The following SHQ1 variants were observed in gnomAD, a reference collection of about 807,000 sequenced individuals.
SHQ1 encodes the protein SHQ1, H/ACA ribonucleoprotein assembly factor.
A neutral mutation model predicts 53.8 loss-of-function variants in SHQ1; 49 were observed. That is an observed-to-expected ratio of 0.91 (90% CI 0.72 to 1.16). The LOEUF is 1.16. SHQ1 is among the 50% of genes most tolerant of loss of function. The pLI is 0.00. For synonymous variants in SHQ1, 243 were observed against 251.0 expected (o/e 0.97, Z 0.30); for missense variants, 738 against 683.1 (o/e 1.08, Z -0.90).
chr3:72,812,912 C>A, intron 8 of SHQ1, 118 bp from the exon 9 acceptor site: 2 of 1,057,886 alleles, frequency 1.9e-6, no homozygotes, highest in South Asian at 1.5e-5. Context: ...CATTGTGAAG[C>A]CAAGTAGAAG....
chr3:72,829,421 A>G (rs780152627), intron 5 of SHQ1, among the ~76,000 whole-genome samples: 47 of 152,348 alleles, frequency 3.1e-4, no homozygotes, highest in Non-Finnish European at 5.4e-4. Flanking sequence ...AGAGATTGAG[A>G]TCTTGCCGTA....
intron 10 of SHQ1, among the ~76,000 whole-genome samples, chr3:72,789,287 C>T (rs1385135860): frequency 1.3e-5 from 2 of 152,042 alleles, no homozygotes; most frequent in African/African-American, 4.8e-5. Flanking sequence ...AAAAAGGTGC[C>T]AACTATTTGA....
At chr3:72,820,185 G>A (rs73841413) in intron 6 of SHQ1, among the ~76,000 whole-genome samples, 48 of 152,228 alleles carry the variant, frequency 3.2e-4, no homozygotes, top group African/African-American at 1.1e-3. Flanking sequence ...ACCTATCGAC[G>A]TTTATCCATT....
In SHQ1 at chr3:72,841,062, C is replaced by T. The variant is rs1477843710; in HGVS notation, c.469G>A (p.Val157Met). 1 of 1,613,438 alleles carries T rather than the reference C, an allele frequency of 6.2e-7. No individual in the cohort carries two copies. Among genetic ancestry groups the T allele is most frequent in the Non-Finnish European group, 8.5e-7 (1 of 1,179,796 alleles). Reference sequence around the variant, plus strand: ...CAACATACCTGTAACCGTTGCAACACTCCTGATCGTAAGTTTCCAAATCCA... The same window carrying T: ...CAACATACCTGTAACCGTTGCAACATTCCTGATCGTAAGTTTCCAAATCCA... ...HYGFGNLRSG[V>M]LQRLQDELSD... Residue 157 changes from valine (V) to methionine (M), a missense_variant, in exon 4 of 11, where the codon GTG becomes ATG. By Grantham distance (21) the Val-to-Met change is conservative. Coordinates refer to ENST00000325599, the MANE Select transcript of SHQ1 (RefSeq NM_018130.3).
intron 9 of SHQ1, 124 bp from the exon 10 acceptor site, chr3:72,793,160 A>G (rs1706495069): frequency 2.4e-6 from 2 of 843,804 alleles, no homozygotes; most frequent in Non-Finnish European, 3.6e-6. Context: ...AAATGCAAAA[A>G]AATTTATGAG....
At chr3:72,829,389 A>G (rs150995495) in intron 5 of SHQ1, among the ~76,000 whole-genome samples, 225 of 152,344 alleles carry the variant, frequency 1.5e-3, no homozygotes, top group African/African-American at 5.3e-3. Context: ...CTCCACTACA[A>G]TGGAAGCCCC....
intron 7 of SHQ1, among the ~76,000 whole-genome samples, chr3:72,816,556 G>A (rs546603745): frequency 1.7e-4 from 26 of 152,198 alleles, no homozygotes; most frequent in African/African-American, 6.3e-4. Flanking sequence ...AATGGTACAG[G>A]TGAAAAGGAA....
chr3:72,811,511 T>C (rs1417527643), intron 9 of SHQ1, among the ~76,000 whole-genome samples: 1 of 152,234 alleles, frequency 6.6e-6, no homozygotes, highest in Non-Finnish European at 1.5e-5. Flanking sequence ...GATTTCTCAA[T>C]GATAGCTCTT....
intron 10 of SHQ1, among the ~76,000 whole-genome samples, chr3:72,751,149 G>A (rs1450068950): frequency 1.3e-5 from 2 of 152,110 alleles, no homozygotes; most frequent in Non-Finnish European, 1.5e-5. Flanking sequence ...AGTGGCTCAC[G>A]CCTGTAACCC....
At chr3:72,833,968 G>A (rs1707915718) in intron 4 of SHQ1, among the ~76,000 whole-genome samples, 1 of 152,198 alleles carries the variant, frequency 6.6e-6, no homozygotes, top group Admixed American at 6.5e-5. Context: ...AAAGCAAACT[G>A]TTAAGACATT....
chr3:72,832,560 C>A, intron 4 of SHQ1, 79 bp from the exon 5 acceptor site: 1 of 964,010 alleles, frequency 1.0e-6, no homozygotes. Context: ...TACAAAATGC[C>A]AAAGCACAGG....
rs115123347 is a variant in SHQ1 at position 72,807,340 on chromosome 3, T to C, written c.1060+5331A>G. 8.5e-3 allele frequency among the ~76,000 whole-genome samples: 1,289 copies of C among 152,340 alleles called. 18 individuals are homozygous for C. Among genetic ancestry groups the C allele is most frequent in the African/African-American group, 0.03 (1,248 of 41,566 alleles). ...CCCTGTGCCCCCATTAGAACTATTA[T>C]ATCTTCAGGATCCAGCTCAGCAGCC... On this transcript the variant is annotated intron_variant, in intron 9 of 10. Coordinates refer to ENST00000325599, the MANE Select transcript of SHQ1 (RefSeq NM_018130.3).
At chr3:72,748,159 C>G (rs2106693005), downstream of SHQ1, among the ~76,000 whole-genome samples, 1 of 151,856 alleles carries the variant, frequency 6.6e-6, no homozygotes, top group Middle Eastern at 3.4e-3. Context: ...AGCACCACTC[C>G]AGACCTGCCT....
At chr3:72,745,421 A>C (rs1425382107), downstream of SHQ1, among the ~76,000 whole-genome samples, 3 of 152,208 alleles carry the variant, frequency 2.0e-5, no homozygotes, top group Non-Finnish European at 2.9e-5. Flanking sequence ...GCCTCCGATT[A>C]TTCTTCAAGG....
intron 10 of SHQ1, chr3:72,752,942 C>G: frequency 1.0e-6 from 1 of 979,718 alleles, no homozygotes; most frequent in South Asian, 4.7e-5. Context: ...GGATTACAGG[C>G]GTGAGCCACC....
chr3:72,741,176 A>T, the SHQ1 span, among the ~76,000 whole-genome samples: 1 of 152,116 alleles, frequency 6.6e-6, no homozygotes, highest in Non-Finnish European at 1.5e-5. Context: ...AGGCCAGCTG[A>T]CCCCACAGTC....
chr3:72,840,560 CAAAAAAA>C (rs572046519), intron 4 of SHQ1, among the ~76,000 whole-genome samples: 12 of 97,398 alleles, frequency 1.2e-4, no homozygotes, highest in African/African-American at 3.9e-4. Context: ...GACTCCGTCT[CAAAAAAA>C]AAAAAAAAAA....
intron 2 of SHQ1, 90 bp from the exon 3 acceptor site, chr3:72,842,492 T>C: frequency 8.1e-7 from 1 of 1,229,322 alleles, no homozygotes; most frequent in Non-Finnish European, 1.1e-6. Flanking sequence ...ACTCTGGCAG[T>C]CTGAGGCAGG....
intron 3 of SHQ1, among the ~76,000 whole-genome samples, chr3:72,842,027 G>A (rs1192861718): frequency 6.6e-6 from 1 of 152,164 alleles, no homozygotes; most frequent in Non-Finnish European, 1.5e-5. Context: ...CTTAGCTCAA[G>A]ATGCTAATAT....
Sources: gnomAD v4.1 joint callset for allele counts (sites outside exome capture counted in the v4.1 genomes callset) on GRCh38, gnomAD v4.1.1 for gene constraint, MANE v1.5 for transcripts, NCBI Gene and HGNC (gene_info 2026-07-23, HGNC 2026-07-21) for gene names.